The following EPHB1 variants were observed in gnomAD, a reference collection of about 807,000 sequenced individuals.
EPHB1 encodes the protein EPH receptor B1.
EPHB1 carries 30 observed loss-of-function variants against 94.4 expected under a neutral mutation model. That is an observed-to-expected ratio of 0.32 (90% CI 0.24 to 0.43). EPHB1 has a LOEUF of 0.43. Ranked by LOEUF, EPHB1 falls within the 20% of genes least tolerant of loss-of-function variation. The pLI, the probability that EPHB1 is intolerant of heterozygous loss-of-function variation, is 1.00. For synonymous variants in EPHB1, 522 were observed against 489.1 expected (o/e 1.07, Z -0.89); for missense variants, 1,055 against 1,308.3 (o/e 0.81, Z 2.99).
At position 135,042,990 on chromosome 3, in the gene EPHB1, C is replaced by T. The variant is rs373321413; in HGVS notation, c.806-63458C>T. ...CCGAGTAGCTGGGACTACAGGCATA[C>T]GCCACCATACCTCGCTAATTTTTTG... is the stretch of plus-strand genomic sequence containing the variant. On this transcript the variant is annotated intron_variant, in intron 3 of 15. Coordinates refer to ENST00000398015, the MANE Select transcript of EPHB1 (RefSeq NM_004441.5). 3.7e-4 allele frequency among the ~76,000 whole-genome samples: 57 copies of T among 152,100 alleles called. No homozygotes were observed. The East Asian group carries it at 8.9e-3, about 24-fold the overall frequency.
intron 3 of EPHB1, among the ~76,000 whole-genome samples, chr3:134,998,984 G>A (rs1935087123): frequency 6.6e-6 from 1 of 152,190 alleles, no homozygotes; most frequent in African/African-American, 2.4e-5. Flanking sequence ...CAGGAAGAGA[G>A]CAGAGCCGGA....
intron 1 of EPHB1, chr3:134,852,667 G>GTA (rs1289859756): frequency 7.9e-6 from 1 of 127,240 alleles, no homozygotes; most frequent in Non-Finnish European, 1.8e-5. Context: ...AATGTGGGGT[G>GTA]TGTGTGTGTG....
chr3:134,865,194 C>G (rs2037349008), intron 1 of EPHB1, among the ~76,000 whole-genome samples: 1 of 152,064 alleles, frequency 6.6e-6, no homozygotes, highest in Non-Finnish European at 1.5e-5. Context: ...ACATGTAAAT[C>G]AATGTGGTAT....
intron 3 of EPHB1, among the ~76,000 whole-genome samples, chr3:134,986,834 A>G (rs1480147301): frequency 1.3e-5 from 2 of 152,156 alleles, no homozygotes; most frequent in African/African-American, 4.8e-5. Flanking sequence ...AAATTTTGTA[A>G]TTGTAATCTC....
At chr3:134,798,298 A>ATT (rs538500023) in intron 1 of EPHB1, among the ~76,000 whole-genome samples, 138 of 152,236 alleles carry the variant, frequency 9.1e-4, no homozygotes, top group Non-Finnish European at 6.8e-4. Flanking sequence ...ATGTGGCCAG[A>ATT]GGAAGGCAGG....
chr3:135,072,281 G>A (rs1297323224), intron 3 of EPHB1, among the ~76,000 whole-genome samples: 1 of 152,126 alleles, frequency 6.6e-6, no homozygotes. Context: ...CTATTCAGGA[G>A]GCTGAGACAG....
chr3:134,935,332 A>G (rs2038980966), intron 2 of EPHB1, among the ~76,000 whole-genome samples: 1 of 152,226 alleles, frequency 6.6e-6, no homozygotes, highest in East Asian at 1.9e-4. Context: ...GGGTTGTCAG[A>G]AGAAAGATGA....
chr3:135,124,392 T>G (rs1486325575), intron 4 of EPHB1, among the ~76,000 whole-genome samples: 2 of 151,748 alleles, frequency 1.3e-5, no homozygotes, highest in Non-Finnish European at 2.9e-5. Context: ...GTTTTCTGAC[T>G]CCTTCACTAG....
At chr3:134,820,787 C>T (rs778734000) in intron 1 of EPHB1, among the ~76,000 whole-genome samples, 13 of 152,162 alleles carry the variant, frequency 8.5e-5, no homozygotes, top group South Asian at 2.1e-4. Flanking sequence ...CCTGCTGTTC[C>T]CAATGCTGGT....
At chr3:135,161,961 G>A (rs2107698037) in intron 6 of EPHB1, 57 bp from the exon 7 acceptor site, 3 of 1,549,750 alleles carry the variant, frequency 1.9e-6, no homozygotes, top group Non-Finnish European at 2.6e-6. Context: ...GGTGGAGTGG[G>A]CTGGGGGTGT....
At chr3:135,015,857 A>G (rs1237512793) in intron 3 of EPHB1, among the ~76,000 whole-genome samples, 1 of 152,208 alleles carries the variant, frequency 6.6e-6, no homozygotes, top group Non-Finnish European at 1.5e-5. Context: ...CCAACCACAC[A>G]TAGAGAAGTG....
At chr3:134,944,996 C>T (rs1240775167) in intron 2 of EPHB1, among the ~76,000 whole-genome samples, 1 of 152,208 alleles carries the variant, frequency 6.6e-6, no homozygotes, top group East Asian at 1.9e-4. Flanking sequence ...TAACAACTCA[C>T]ACTTTATGAA....
intron 3 of EPHB1, among the ~76,000 whole-genome samples, chr3:134,965,774 C>A (rs1283805121): frequency 6.6e-6 from 1 of 152,124 alleles, no homozygotes; most frequent in East Asian, 1.9e-4. Context: ...CCTTGAGGAC[C>A]TTCTGCAGCC....
chr3:135,151,246 T>C (rs1285579391), intron 5 of EPHB1, among the ~76,000 whole-genome samples: 2 of 152,190 alleles, frequency 1.3e-5, no homozygotes, highest in Non-Finnish European at 2.9e-5. Flanking sequence ...CCTATGGCCC[T>C]CCAGCTTGCT....
intron 3 of EPHB1, among the ~76,000 whole-genome samples, chr3:134,973,807 G>A (rs1346794629): frequency 6.6e-6 from 1 of 152,180 alleles, no homozygotes; most frequent in Non-Finnish European, 1.5e-5. Flanking sequence ...GGATAGGGTA[G>A]GGCTTGTCAA....
At chr3:135,239,975 C>G (rs1943741952) in intron 12 of EPHB1, among the ~76,000 whole-genome samples, 1 of 152,140 alleles carries the variant, frequency 6.6e-6, no homozygotes, top group African/African-American at 2.4e-5. Context: ...CCCCGCCGCA[C>G]AGGTAGAAAG....
In EPHB1 at chr3:134,815,989, A is replaced by G. The variant is rs114081184; in HGVS notation, c.58+20300A>G. 7.0e-3 allele frequency among the ~76,000 whole-genome samples: 961 copies of G among 136,836 alleles called. 4 individuals are homozygous for G. The highest frequency in any genetic ancestry group is 0.021 in the African/African-American group (769 of 37,046). 89.8% of individuals were successfully genotyped at this position (136,836 alleles called of 152,430 possible). ...TGGGATGCAGAAAGATTAAGTAACC[A>G]CCAAAGGTAAATGCTGGGGCCACAC... On this transcript the variant is annotated intron_variant, in intron 1 of 15. Transcript: ENST00000398015.
chr3:135,001,713 T>G (rs1342619666), intron 3 of EPHB1, among the ~76,000 whole-genome samples: 1 of 152,190 alleles, frequency 6.6e-6, no homozygotes, highest in Non-Finnish European at 1.5e-5. Flanking sequence ...TGCTGCTTCC[T>G]TCTTGCCTCC....
At chr3:135,237,071 G>C (rs1253012702) in intron 12 of EPHB1, among the ~76,000 whole-genome samples, 24 of 152,134 alleles carry the variant, frequency 1.6e-4, no homozygotes, top group Admixed American at 1.4e-3. Flanking sequence ...GTCCCCAGCA[G>C]GGTACTGAGG....
Sources: allele counts gnomAD v4.1 joint callset (sites outside exome capture counted in the v4.1 genomes callset), GRCh38; gene constraint gnomAD v4.1.1; transcripts MANE v1.5; gene names NCBI Gene and HGNC (gene_info 2026-07-23, HGNC 2026-07-21).